Variants in NCOA3 observed in about 807,000 individuals in gnomAD.
NCOA3 encodes the protein nuclear receptor coactivator 3, also known as CBP-interacting protein.
In NCOA3, 51 loss-of-function variants were observed where a neutral mutation model predicts 158.8. That is an observed-to-expected ratio of 0.32 (90% CI 0.26 to 0.41). The LOEUF (loss-of-function observed/expected upper bound fraction) is 0.41, where lower values mean the gene tolerates loss of function less well. Among genes scored for constraint, NCOA3 ranks in the 10% least tolerant of loss-of-function variants. The probability of loss-of-function intolerance (pLI) is 1.00; values close to 1 mark genes in which losing one functional copy is unlikely to be tolerated. For missense variants in NCOA3, 1,510 were observed against 1,746.6 expected (o/e 0.86, Z 2.41); for synonymous variants, 537 against 592.4 (o/e 0.91, Z 1.36).
intron 2 of NCOA3, among the ~76,000 whole-genome samples, chr20:47,614,972 G>C (rs1308535970): frequency 6.6e-6 from 1 of 152,190 alleles, no homozygotes; most frequent in Admixed American, 6.5e-5. Flanking sequence ...TGATTCAGTA[G>C]TACAAATGGC....
intron 2 of NCOA3, among the ~76,000 whole-genome samples, chr20:47,588,483 G>T (rs2085573587): frequency 6.6e-6 from 1 of 151,600 alleles, no homozygotes; most frequent in Non-Finnish European, 1.5e-5. Context: ...AACTAGTTAG[G>T]GTATTCATTT....
intron 1 of NCOA3, among the ~76,000 whole-genome samples, chr20:47,573,443 A>T (rs957056940): frequency 6.6e-6 from 1 of 152,100 alleles, no homozygotes; most frequent in Non-Finnish European, 1.5e-5. Flanking sequence ...ATTACACATC[A>T]CCATAAGAGA....
At chr20:47,603,543 G>C (rs1041835792) in intron 2 of NCOA3, among the ~76,000 whole-genome samples, 3 of 152,246 alleles carry the variant, frequency 2.0e-5, no homozygotes, top group Admixed American at 6.5e-5. Flanking sequence ...GGCCTTCTTG[G>C]TATTCAGGTC....
At chr20:47,518,292 G>A (rs1192380890) in intron 1 of NCOA3, among the ~76,000 whole-genome samples, 1 of 151,574 alleles carries the variant, frequency 6.6e-6, no homozygotes, top group African/African-American at 2.4e-5. Context: ...GCTGCAATGA[G>A]CCATGATTTC....
intron 10 of NCOA3, among the ~76,000 whole-genome samples, chr20:47,634,559 T>A (rs1422441935): frequency 6.6e-6 from 1 of 152,184 alleles, no homozygotes; most frequent in Non-Finnish European, 1.5e-5. Context: ...CTGTCTGGGT[T>A]GGTAGTGGCA....
intron 1 of NCOA3, among the ~76,000 whole-genome samples, chr20:47,525,498 C>T (rs1000221250): frequency 6.7e-6 from 1 of 150,330 alleles, no homozygotes; most frequent in African/African-American, 2.4e-5. Context: ...CCTCACTTCC[C>T]AATAGGGGCG....
chr20:47,566,584 T>C (rs1172815716), intron 1 of NCOA3, among the ~76,000 whole-genome samples: 1 of 152,060 alleles, frequency 6.6e-6, no homozygotes, highest in Non-Finnish European at 1.5e-5. Flanking sequence ...CCATTTCAGC[T>C]CACCGCACCC....
chr20:47,620,803 A>G (rs574263176), intron 2 of NCOA3, among the ~76,000 whole-genome samples: 2 of 152,214 alleles, frequency 1.3e-5, no homozygotes, highest in Admixed American at 6.5e-5. Context: ...AGTTGATCCA[A>G]TAATATTCTT....
At chr20:47,618,918 C>G (rs866231334) in intron 2 of NCOA3, among the ~76,000 whole-genome samples, 1 of 152,130 alleles carries the variant, frequency 6.6e-6, no homozygotes, top group Non-Finnish European at 1.5e-5. Flanking sequence ...ATTGTCATGA[C>G]TTAGTTTTTC....
At chr20:47,625,719 A>G (rs377393269) in intron 5 of NCOA3, among the ~76,000 whole-genome samples, 5 of 152,274 alleles carry the variant, frequency 3.3e-5, no homozygotes, top group African/African-American at 7.2e-5. Context: ...GGAACCACAC[A>G]TATACAAACA....
chr20:47,631,776 TTTCCCTTTA>T lies in NCOA3; in HGVS notation c.824-1719_824-1711del, dbSNP rs2086422187. Among the ~76,000 whole-genome samples the T allele has an allele frequency of 2.0e-5, 3 of 152,360 alleles. No homozygotes were observed. The South Asian group carries it at 6.2e-4, about 32-fold the overall frequency. ...ACAACTTTCCTCATAGGCGTTATTT[TTTCCCTTTA>T]CACGAAAATGAACTTAAGGTTATCT... On this transcript the variant is annotated intron_variant, in intron 8 of 22. Transcript: ENST00000371998.
Position 47,639,133 on chromosome 20 carries a change from C to A in NCOA3, c.2638C>A (p.Pro880Thr). The part of the protein sequence containing the change: ...VKNISAFPML[P>T]KQPMLGGNPR... ...AAATATCAGTGCTTTCCCCATGTTA[C>A]CAAAGCAACCCATGTTGGGTGGGAA... Residue 880 changes from proline (P) to threonine (T), a missense_variant, in exon 14 of 23, where the codon CCA becomes ACA. This residue lies in a region of NCOA3 where 1,017 missense variants were observed against 1,098.3 expected (regional missense o/e 0.93). Coordinates refer to ENST00000371998, the MANE Select transcript of NCOA3 (RefSeq NM_181659.3). The A allele has an allele frequency of 6.2e-7, 1 of 1,614,092 alleles. No homozygotes were observed. The highest frequency in any genetic ancestry group is 8.5e-7 in the Non-Finnish European group (1 of 1,180,014).
intron 1 of NCOA3, among the ~76,000 whole-genome samples, chr20:47,569,246 C>T (rs956113030): frequency 7.2e-5 from 11 of 151,802 alleles, no homozygotes; most frequent in Admixed American, 2.6e-4. Context: ...ACTCGGGAGG[C>T]TGAGGTGGGA....
chr20:47,634,102 G>T lies in NCOA3; in HGVS notation c.1019G>T (p.Gly340Val). The change falls in exon 10 of 23, where the codon GGA becomes GTA. Residue 340 changes from glycine (G) to valine (V), a missense_variant. This residue lies in a region of NCOA3 where 309 missense variants were observed against 427.1 expected (regional missense o/e 0.72). Coordinates refer to ENST00000371998, the MANE Select transcript of NCOA3 (RefSeq NM_181659.3). Reference protein sequence around the residue: ...TPVYRFSLADGTIVTAQTKSK... With the variant: ...TPVYRFSLADVTIVTAQTKSK... ...GTATATCGATTCTCGTTGGCTGATG[G>T]AACTATAGTGACTGCACAGACAAAA... 1 of 1,614,054 alleles carries T rather than the reference G, an allele frequency of 6.2e-7. No individual in the cohort carries two copies. Among genetic ancestry groups the T allele is most frequent in the Non-Finnish European group, 8.5e-7 (1 of 1,180,002 alleles).
chr20:47,614,905 C>T (rs754710266), intron 2 of NCOA3, among the ~76,000 whole-genome samples: 26 of 152,164 alleles, frequency 1.7e-4, no homozygotes, highest in Non-Finnish European at 3.5e-4. Flanking sequence ...GTCATAACCT[C>T]TCAGTGTTCT....
At chr20:47,529,028 G>C (rs1461184673) in intron 1 of NCOA3, among the ~76,000 whole-genome samples, 4 of 150,782 alleles carry the variant, frequency 2.7e-5, no homozygotes, top group South Asian at 2.1e-4. Flanking sequence ...TGGCCTCCCA[G>C]AGTGCTGGGA....
chr20:47,545,685 G>A (rs1006879213), intron 1 of NCOA3, among the ~76,000 whole-genome samples: 1 of 145,388 alleles, frequency 6.9e-6, no homozygotes, highest in Non-Finnish European at 1.5e-5. Context: ...TTTCTTCTTT[G>A]GGATTCCTAC....
intron 1 of NCOA3, among the ~76,000 whole-genome samples, chr20:47,522,407 T>C (rs75563999): frequency 8.5e-5 from 8 of 94,120 alleles, no homozygotes; most frequent in South Asian, 6.3e-4. Flanking sequence ...CGCCCGGCCC[T>C]TTTTTTTTTT....
intron 1 of NCOA3, among the ~76,000 whole-genome samples, chr20:47,525,674 C>T (rs1277560748): frequency 7.2e-6 from 1 of 139,782 alleles, no homozygotes; most frequent in South Asian, 2.3e-4. Flanking sequence ...TGACCCCCCC[C>T]ACCTCCCTCC....
Sources: gnomAD v4.1 joint callset for allele counts (sites outside exome capture counted in the v4.1 genomes callset) on GRCh38, gnomAD v4.1.1 for gene constraint, gnomAD v4.1.1 regional missense constraint, MANE v1.5 for transcripts, NCBI Gene and HGNC (gene_info 2026-07-23, HGNC 2026-07-21) for gene names.